Variants in DNAH6 observed in about 807,000 individuals in gnomAD.
DNAH6 encodes the protein axonemal beta dynein heavy chain 6.
Under a neutral mutation model 491.4 loss-of-function variants are expected in DNAH6, and 340 were observed. The ratio of observed to expected loss-of-function variants is 0.69; its 90% CI spans 0.63 to 0.76. The LOEUF (loss-of-function observed/expected upper bound fraction) is 0.76. Ranked by LOEUF, DNAH6 falls within the 30% of genes least tolerant of loss-of-function variation. DNAH6 has a pLI of 0.00. For synonymous variants in DNAH6, 1,603 were observed against 1,686.1 expected (o/e 0.95, Z 1.21); for missense variants, 4,443 against 4,972.2 (o/e 0.89, Z 3.20).
rs1691174291 is a variant in DNAH6 at position 84,658,314 on chromosome 2, A to G, written c.5780A>G (p.Tyr1927Cys). 1.3e-6 allele frequency: 2 copies of G among 1,538,544 alleles called. No individual in the cohort carries two copies. Among genetic ancestry groups the G allele is most frequent in the Non-Finnish European group, 8.8e-7 (1 of 1,141,054 alleles). Residue 1927 changes from tyrosine (Y) to cysteine (C), a missense_variant, in exon 36 of 77, where the codon TAT becomes TGT. By Grantham distance (194) the Tyr-to-Cys change is radical. This residue lies in a region of DNAH6 where 2,977 missense variants were observed against 3,296.6 expected (regional missense o/e 0.90). Transcript: ENST00000389394. ...SKKLTEETQEYILNLFQRYVD... is the reference protein window; with the variant it reads ...SKKLTEETQECILNLFQRYVD... ...CAGCTGACTGAGGAAACCCAAGAAT[A>G]TATATTGAATCTTTTCCAACGTTAT...
intron 65 of DNAH6, 48 bp downstream of exon 65, chr2:84,781,701 C>A: frequency 6.7e-7 from 1 of 1,486,744 alleles, no homozygotes; most frequent in Non-Finnish European, 9.0e-7. Context: ...TTTTATGTAA[C>A]CTTTTCTTGT....
intron 10 of DNAH6, among the ~76,000 whole-genome samples, chr2:84,556,503 G>T (rs1184961724): frequency 6.6e-6 from 1 of 152,100 alleles, no homozygotes; most frequent in Non-Finnish European, 1.5e-5. Flanking sequence ...CATCTTTTGA[G>T]ACTCATTTAA....
intron 45 of DNAH6, among the ~76,000 whole-genome samples, chr2:84,691,885 T>G (rs1294108064): frequency 1.3e-5 from 2 of 152,236 alleles, no homozygotes; most frequent in Non-Finnish European, 2.9e-5. Flanking sequence ...GGCCATAGTT[T>G]GCTGACCCCG....
chr2:84,533,018 A>AT (rs1422380090), intron 4 of DNAH6, among the ~76,000 whole-genome samples: 1 of 151,950 alleles, frequency 6.6e-6, no homozygotes, highest in South Asian at 2.1e-4. Context: ...ATGCTTGACA[A>AT]TTTTTTTTCC....
At chr2:84,807,566 A>G (rs903889644) in intron 71 of DNAH6, among the ~76,000 whole-genome samples, 1 of 152,106 alleles carries the variant, frequency 6.6e-6, no homozygotes, top group Non-Finnish European at 1.5e-5. Flanking sequence ...AACCTTTCCT[A>G]TGCAGTGCAG....
intron 61 of DNAH6, among the ~76,000 whole-genome samples, chr2:84,730,037 C>T (rs1198842618): frequency 6.6e-6 from 1 of 151,816 alleles, no homozygotes; most frequent in Admixed American, 6.6e-5. Context: ...CTGGAAGAGA[C>T]CTAGAAAGAA....
chr2:84,474,115 A>G, the DNAH6 span, among the ~76,000 whole-genome samples: 3 of 152,294 alleles, frequency 2.0e-5, no homozygotes, highest in South Asian at 6.2e-4. Flanking sequence ...AATCCTTTAG[A>G]TCTATCACTA....
chr2:84,477,574 C>T, the DNAH6 span, among the ~76,000 whole-genome samples: 1 of 152,162 alleles, frequency 6.6e-6, no homozygotes, highest in South Asian at 2.1e-4. Flanking sequence ...CTCATGGTTT[C>T]CCTTCTTCCC....
intron 24 of DNAH6, among the ~76,000 whole-genome samples, 188 bp from the exon 25 acceptor site, chr2:84,621,003 G>A (rs183136849): frequency 1.3e-5 from 2 of 152,318 alleles, no homozygotes; most frequent in African/African-American, 4.8e-5. Context: ...CCAAGTGGAA[G>A]CAGTAAAATA....
intron 4 of DNAH6, among the ~76,000 whole-genome samples, chr2:84,542,202 A>C (rs944595251): frequency 6.6e-6 from 1 of 152,202 alleles, no homozygotes; most frequent in African/African-American, 2.4e-5. Context: ...GACATGCACC[A>C]GGGCCGTGGT....
At chr2:84,767,037 A>C (rs903125723) in intron 64 of DNAH6, among the ~76,000 whole-genome samples, 9 of 152,210 alleles carry the variant, frequency 5.9e-5, no homozygotes, top group Non-Finnish European at 1.2e-4. Flanking sequence ...TTTTAGCTGC[A>C]CAAGGAAATG....
chr2:84,502,707 T>C, the DNAH6 span, among the ~76,000 whole-genome samples: 1 of 152,212 alleles, frequency 6.6e-6, no homozygotes. Context: ...TTTATAATTG[T>C]TATATTTTCT....
rs375406101 is a variant in DNAH6, at chr2:84,694,407, A to G, written c.7451A>G (p.Glu2484Gly). Reference sequence around the variant, plus strand: ...GGATATAATTATGATAGTTTTCATGAAGACCTGAGGAAGTTGTACAAAATG... The same window carrying G: ...GGATATAATTATGATAGTTTTCATGGAGACCTGAGGAAGTTGTACAAAATG... ...SRGYNYDSFH[E>G]DLRKLYKMAG... Residue 2484 changes from glutamate to glycine, a missense_variant, in exon 46 of 77, where the codon GAA (glutamate) becomes GGA (glycine). Transcript: ENST00000389394. The G allele has an allele frequency of 6.4e-7, 1 of 1,552,208 alleles. No homozygotes were observed. Among genetic ancestry groups the G allele is most frequent in the Non-Finnish European group, 8.7e-7 (1 of 1,147,136 alleles).
chr2:84,471,217 ACTATCATTATTACTAG>A, the DNAH6 span, among the ~76,000 whole-genome samples: 8 of 133,160 alleles, frequency 6.0e-5, no homozygotes, highest in African/African-American at 3.6e-5. Context: ...TATCATTATT[ACTATCATTATTACTAG>A]CTATCATTAT....
chr2:84,508,694 A>G, the DNAH6 span, among the ~76,000 whole-genome samples: 45 of 151,546 alleles, frequency 3.0e-4, no homozygotes, highest in Non-Finnish European at 4.7e-4. Flanking sequence ...GCTTTCTCTT[A>G]TGGGCATTTA....
At chr2:84,603,017 A>G (rs934080113) in intron 18 of DNAH6, among the ~76,000 whole-genome samples, 4 of 151,142 alleles carry the variant, frequency 2.6e-5, no homozygotes, top group Non-Finnish European at 4.4e-5. Context: ...TTGCTTTTCT[A>G]TCTTTTCCAT....
At chr2:84,701,807 A>T (rs1306434136) in intron 49 of DNAH6, among the ~76,000 whole-genome samples, 1 of 152,188 alleles carries the variant, frequency 6.6e-6, no homozygotes, top group East Asian at 1.9e-4. Context: ...AGCATTGAAG[A>T]TTACATTTCA....
At chr2:84,695,197 G>C (rs1291879613) in intron 46 of DNAH6, among the ~76,000 whole-genome samples, 1 of 151,994 alleles carries the variant, frequency 6.6e-6, no homozygotes, top group African/African-American at 2.4e-5. Flanking sequence ...AGAAGAAATA[G>C]AAAAAATGTG....
intron 68 of DNAH6, among the ~76,000 whole-genome samples, chr2:84,795,087 C>CA (rs1012952032): frequency 1.4e-5 from 2 of 140,652 alleles, no homozygotes; most frequent in African/African-American, 5.4e-5. Context: ...GACAAAAAAC[C>CA]AAACACCACA....
Sources: gnomAD v4.1 joint callset for allele counts (sites outside exome capture counted in the v4.1 genomes callset) on GRCh38, gnomAD v4.1.1 for gene constraint, gnomAD v4.1.1 regional missense constraint, MANE v1.5 for transcripts, NCBI Gene and HGNC (gene_info 2026-07-23, HGNC 2026-07-21) for gene names.